The following GFM1 variants were observed in gnomAD, a reference collection of about 807,000 sequenced individuals.
GFM1 encodes G elongation factor mitochondrial 1, also known as elongation factor G, mitochondrial.
In GFM1, 62 loss-of-function variants were observed where a neutral mutation model predicts 96.2. That is an observed-to-expected ratio of 0.64 (90% confidence interval 0.53 to 0.80). The LOEUF (loss-of-function observed/expected upper bound fraction) is 0.80. GFM1 is among the 30% of genes least tolerant of loss of function. The pLI, the probability that GFM1 is intolerant of heterozygous loss-of-function variation, is 0.00. For synonymous variants in GFM1, 282 were observed against 312.9 expected (o/e 0.90, Z 1.04); for missense variants, 852 against 916.6 (o/e 0.93, Z 0.91).
At chr3:158,660,624 A>C in intron 9 of GFM1, 1 of 488,238 alleles carries the variant, frequency 2.0e-6, no homozygotes, top group South Asian at 2.1e-5. Context: ...AGCTCCTTCA[A>C]GTAATGAGTT....
intron 7 of GFM1, 44 bp downstream of exon 7, chr3:158,653,511 C>CGAAA: frequency 4.3e-6 from 6 of 1,379,762 alleles, no homozygotes; most frequent in African/African-American, 1.4e-5. Flanking sequence ...GAAATACTTT[C>CGAAA]GTATTTATGC....
At position 158,665,570 on chromosome 3, in the gene GFM1, TG is replaced by T. The variant is rs1723596612; in HGVS notation, c.1518+98del. ...TCAATCTAATGTCTGTAACTAACTCTGGTTCTTCATGCGTCACTCTGGTTTG... is the reference window on the plus strand; with the variant it reads ...TCAATCTAATGTCTGTAACTAACTCTGTTCTTCATGCGTCACTCTGGTTTG... On this transcript the variant is annotated intron_variant, in intron 12 of 17. Coordinates refer to ENST00000486715, the MANE Select transcript of GFM1 (RefSeq NM_024996.7). 9 of 1,040,480 alleles carry T rather than the reference TG, an allele frequency of 8.6e-6. No homozygotes were observed. In the South Asian group the frequency reaches 1.2e-4, roughly 14 times the overall value. The allele number at this position is 1,040,480 out of a possible 1,614,324, so 64.5% of individuals were successfully genotyped here. A position where few individuals can be genotyped will look rare whatever the true frequency, so the allele number is the denominator to read the frequency against.
intron 1 of GFM1, 105 bp downstream of exon 1, chr3:158,644,820 C>T (rs1430717556): frequency 1.1e-6 from 1 of 909,962 alleles, no homozygotes; most frequent in Non-Finnish European, 1.8e-6. Context: ...TGACTGACAG[C>T]TCCGAATACT....
chr3:158,653,431 C>T lies in GFM1; in HGVS notation c.962C>T (p.Ser321Phe), dbSNP rs1289182008. The change falls in exon 7 of 18, where the codon TCT becomes TTT. Residue 321 changes from serine to phenylalanine, a missense_variant. Coordinates refer to ENST00000486715, the MANE Select transcript of GFM1 (RefSeq NM_024996.7). ...DAVLEYLPNPSEVQNYAILNK... is the reference protein window; with the variant it reads ...DAVLEYLPNPFEVQNYAILNK... ...GTTTTAGAATACCTCCCAAATCCAT[C>T]TGAAGTCCAGAACTATGCTATTCTC... The T allele has an allele frequency of 6.2e-7, 1 of 1,613,158 alleles. No individual in the cohort carries two copies. Among genetic ancestry groups the T allele is most frequent in the African/African-American group, 1.3e-5 (1 of 74,902 alleles).
At chr3:158,676,824 C>T (rs1312606366) in intron 13 of GFM1, among the ~76,000 whole-genome samples, 4 of 151,826 alleles carry the variant, frequency 2.6e-5, no homozygotes, top group Non-Finnish European at 5.9e-5. Context: ...CTCAGCTTCC[C>T]GAGTAGCTAG....
Position 158,692,017 on chromosome 3 carries a change from T to C in GFM1, c.*550T>C, listed in dbSNP as rs1446465200. The C allele has an allele frequency of 6.4e-6, 1 of 155,506 alleles. No individual in the cohort carries two copies. Among genetic ancestry groups the C allele is most frequent in the Non-Finnish European group, 1.4e-5 (1 of 70,348 alleles). The allele number at this position is 155,506 out of a possible 1,614,324, so 9.6% of individuals were successfully genotyped here. A position where few individuals can be genotyped will look rare whatever the true frequency, so the allele number is the denominator to read the frequency against. On this transcript the variant is annotated 3_prime_UTR_variant, in exon 18 of 18. Coordinates refer to ENST00000486715, the MANE Select transcript of GFM1 (RefSeq NM_024996.7). ...ACTTGAAAGTGAATCGCATATATCA[T>C]GACACTTCTTGGAGTGTCATTAATG...
intron 9 of GFM1, among the ~76,000 whole-genome samples, chr3:158,659,990 T>C (rs1723069728): frequency 6.6e-6 from 1 of 152,200 alleles, no homozygotes. Flanking sequence ...CTGTTGTGAA[T>C]GAACTGTCAA....
rs576446834 is a variant in GFM1, at chr3:158,694,083, A to C, written c.*2616A>C. Among the ~76,000 whole-genome samples, 87 of 152,076 alleles carry C rather than the reference A, an allele frequency of 5.7e-4. No homozygotes were observed. The highest frequency in any genetic ancestry group is 9.7e-4 in the Non-Finnish European group (66 of 68,014). ...TCTGACTCAGCAATACCATTACTAT[A>C]TACCCAAAGGAACGTAAATCATTCT... On this transcript the variant is annotated 3_prime_UTR_variant, in exon 18 of 18. Transcript: ENST00000486715.
intron 15 of GFM1, among the ~76,000 whole-genome samples, chr3:158,689,293 T>A (rs146146619): frequency 6.6e-6 from 1 of 152,276 alleles, no homozygotes; most frequent in East Asian, 1.9e-4. Flanking sequence ...AATCCTTATT[T>A]TGTAGATGAA....
intron 15 of GFM1, among the ~76,000 whole-genome samples, chr3:158,686,353 A>G (rs1173121813): frequency 6.8e-6 from 1 of 147,872 alleles, no homozygotes; most frequent in African/African-American, 2.5e-5. Flanking sequence ...TATAAAATAT[A>G]TAAATATGTT....
intron 13 of GFM1, chr3:158,672,276 G>T: frequency 1.0e-5 from 16 of 1,583,818 alleles, no homozygotes; most frequent in Non-Finnish European, 1.4e-5. Flanking sequence ...TGCACCCAAA[G>T]GCTGAGACCG....
rs1012642286 is a variant in GFM1, at chr3:158,694,065, C to A, written c.*2598C>A. On this transcript the variant is annotated 3_prime_UTR_variant, in exon 18 of 18. Transcript: ENST00000486715. ...CTTCTAAGACAAAAACCATCTGACT[C>A]AGCAATACCATTACTATATACCCAA... Among the ~76,000 whole-genome samples, 1 of 151,738 alleles carries A rather than the reference C, an allele frequency of 6.6e-6. No individual in the cohort carries two copies. The highest frequency in any genetic ancestry group is 2.4e-5 in the African/African-American group (1 of 41,294).
chr3:158,648,468 G>T (rs1472441018), intron 4 of GFM1, among the ~76,000 whole-genome samples: 3 of 152,060 alleles, frequency 2.0e-5, no homozygotes, highest in Non-Finnish European at 4.4e-5. Flanking sequence ...CACCAGGTCA[G>T]GAGTTCAAGA....
Position 158,694,700 on chromosome 3 carries a change from A to G in GFM1, c.*3233A>G, listed in dbSNP as rs781697091. 5.3e-5 allele frequency among the ~76,000 whole-genome samples: 8 copies of G among 152,120 alleles called. No homozygotes were observed. The highest frequency in any genetic ancestry group is 1.0e-4 in the Non-Finnish European group (7 of 68,014). On this transcript the variant is annotated 3_prime_UTR_variant, in exon 18 of 18. Coordinates refer to ENST00000486715, the MANE Select transcript of GFM1 (RefSeq NM_024996.7). ...GGCACACACCACCATGCCTGGCTTG[A>G]TAACTTTACCTTAAAAAAAAAAGTG...
intron 13 of GFM1, chr3:158,666,880 A>C: frequency 1.4e-6 from 2 of 1,448,102 alleles, no homozygotes; most frequent in Non-Finnish European, 1.9e-6. Context: ...CAATTATAAT[A>C]TACTTAAATC....
At position 158,654,729 on chromosome 3, in the gene GFM1, T is replaced by C. The variant is rs940711263; in HGVS notation, c.1083+98T>C. The C allele has an allele frequency of 1.4e-5, 12 of 845,674 alleles. No homozygotes were observed. The African/African-American group carries it at 2.0e-4, about 14-fold the overall frequency. The allele number at this position is 845,674 out of a possible 1,614,324, so 52.4% of individuals were successfully genotyped here. On this transcript the variant is annotated intron_variant, in intron 8 of 17. Transcript: ENST00000486715. Reference sequence around the variant, plus strand: ...GAATGACTCTGACTTTTATGAAAGATTTGGAAAATAGGAAAGTAGAAAGAG... The same window carrying C: ...GAATGACTCTGACTTTTATGAAAGACTTGGAAAATAGGAAAGTAGAAAGAG...
rs116224250 is a variant in GFM1, at chr3:158,672,441, G to A, written c.1601+6055G>A. 1.3e-3 allele frequency: 2,158 copies of A among 1,614,040 alleles called. 37 individuals carry two copies. In the African/African-American group the frequency reaches 0.025, roughly 19 times the overall value. ...GATGTAGTTCTGTGCCACCAAGGCC[G>A]CCCTGGAGGCTGGGTAGTTGGTCGG... is the stretch of plus-strand genomic sequence containing the variant. On this transcript the variant is annotated intron_variant, in intron 13 of 17. Transcript: ENST00000486715.
At chr3:158,681,867 T>C (rs1426254177) in intron 13 of GFM1, 128 bp from the exon 14 acceptor site, 5 of 847,058 alleles carry the variant, frequency 5.9e-6, no homozygotes, top group Admixed American at 2.5e-5. Flanking sequence ...CAATAAACTT[T>C]TATAGCAAGA....
intron 7 of GFM1, among the ~76,000 whole-genome samples, chr3:158,654,161 T>G (rs912119943): frequency 9.9e-5 from 15 of 151,904 alleles, no homozygotes; most frequent in Admixed American, 2.6e-4. Context: ...TTTAGTGTAC[T>G]TTTGTCCTAT....
Sources: gnomAD v4.1 joint callset for allele counts (sites outside exome capture counted in the v4.1 genomes callset) on GRCh38, gnomAD v4.1.1 for gene constraint, MANE v1.5 for transcripts, NCBI Gene and HGNC (gene_info 2026-07-23, HGNC 2026-07-21) for gene names.